LONP2: variants seen among roughly 807,000 people sequenced by gnomAD.
The protein encoded by LONP2 is lon protease homolog 2, peroxisomal.
LONP2 carries 60 observed loss-of-function variants against 85.6 expected under a neutral mutation model. That is an observed-to-expected ratio of 0.70 (90% CI 0.57 to 0.87). The LOEUF is 0.87. LONP2 is among the 40% of genes least tolerant of loss of function. The pLI, the probability that LONP2 is intolerant of heterozygous loss-of-function variation, is 0.00. For synonymous variants in LONP2, 395 were observed against 389.7 expected, an observed-to-expected ratio of 1.01 and a Z score of -0.16; for missense variants, 860 against 1,063.5, an observed-to-expected ratio of 0.81 and a Z score of 2.66.
chr16:48,304,418 A>G (rs926227225), intron 11 of LONP2, among the ~76,000 whole-genome samples: 2 of 152,198 alleles, frequency 1.3e-5, no homozygotes, highest in African/African-American at 2.4e-5. Flanking sequence ...AAAATGTTTT[A>G]ACTGGCCAGG....
At chr16:48,245,895 C>T (rs111908228) in intron 1 of LONP2, among the ~76,000 whole-genome samples, 7,132 of 152,152 alleles carry the variant, frequency 0.047, 234 homozygotes, top group Middle Eastern at 0.15. Context: ...GCACCCGCCT[C>T]CTATTCCTAA....
At chr16:48,328,882 G>A (rs997401367) in intron 11 of LONP2, among the ~76,000 whole-genome samples, 2 of 151,672 alleles carry the variant, frequency 1.3e-5, no homozygotes, top group Non-Finnish European at 2.9e-5. Context: ...ATATAATTCA[G>A]TATCTCTCAT....
chr16:48,359,450 C>T (rs375223046), downstream of LONP2, among the ~76,000 whole-genome samples: 29 of 152,248 alleles, frequency 1.9e-4, no homozygotes, highest in African/African-American at 6.7e-4. Context: ...CAAGGCCGGG[C>T]GCGGTGGCTC....
chr16:48,258,532 G>T, intron 3 of LONP2, 86 bp from the exon 4 acceptor site: 3 of 1,360,130 alleles, frequency 2.2e-6, no homozygotes, highest in South Asian at 1.6e-5. Flanking sequence ...TTTTTAACTT[G>T]GCAATTTAAA....
At position 48,356,583 on chromosome 16, in the gene LONP2, T is replaced by G; in HGVS notation, c.*4781T>G. The G allele has an allele frequency of 4.1e-6, 1 of 246,290 alleles. No homozygotes were observed. The highest frequency in any genetic ancestry group is 8.5e-6 in the Non-Finnish European group (1 of 118,272). 15.3% of individuals were successfully genotyped at this position (246,290 alleles called of 1,614,324 possible). ...TTGATGATTTATGGTCCAACACTAA[T>G]GCTCATTTTTTTTGTTTGTTTTACA... On this transcript the variant is annotated 3_prime_UTR_variant, in exon 15 of 15. Transcript: ENST00000285737.
intron 11 of LONP2, among the ~76,000 whole-genome samples, chr16:48,304,519 C>T (rs1972871741): frequency 6.6e-6 from 1 of 152,008 alleles, no homozygotes; most frequent in Admixed American, 6.6e-5. Context: ...GCCTAGCCAA[C>T]ACGGTGAAAC....
chr16:48,332,483 G>T (rs1959484454), intron 11 of LONP2, among the ~76,000 whole-genome samples: 1 of 151,712 alleles, frequency 6.6e-6, no homozygotes, highest in Non-Finnish European at 1.5e-5. Context: ...AGGCTGAGGT[G>T]GGCGGATCAC....
chr16:48,286,046 C>A lies in LONP2; in HGVS notation c.1383+8567C>A, dbSNP rs140660405. On this transcript the variant is annotated intron_variant, in intron 8 of 14. Transcript: ENST00000285737. ...TATAAGTGCATCATACGGTACTTAT[C>A]TTTTTATAATTGACTGACTTCACTT... Among the ~76,000 whole-genome samples, 1,412 of 151,966 alleles carry A rather than the reference C, an allele frequency of 9.3e-3. 9 individuals carry two copies. Among genetic ancestry groups the A allele is most frequent in the Non-Finnish European group, 0.015 (1,018 of 67,980 alleles).
intron 1 of LONP2, 34 bp downstream of exon 1, chr16:48,244,655 G>A (rs1489335203): frequency 1.1e-5 from 15 of 1,317,634 alleles, no homozygotes; most frequent in Non-Finnish European, 1.5e-5. Context: ...GGCGGCGGGC[G>A]GCGCGGCCTC....
intron 11 of LONP2, among the ~76,000 whole-genome samples, chr16:48,317,162 G>A (rs866908399): frequency 9.2e-5 from 14 of 152,144 alleles, no homozygotes; most frequent in Admixed American, 4.6e-4. Flanking sequence ...ATCCAATCAG[G>A]TCTTTAGCAT....
Position 48,362,560 on chromosome 16 carries a change from A to G in LONP2, c.*697A>G. The G allele has an allele frequency of 1.1e-6, 1 of 874,480 alleles. No homozygotes were observed. The allele number at this position is 874,480 out of a possible 1,614,324, so 54.2% of individuals were successfully genotyped here. A position where few individuals can be genotyped will look rare whatever the true frequency, so the allele number is the denominator to read the frequency against. On this transcript the variant is annotated 3_prime_UTR_variant, in exon 5 of 5. Coordinates refer to the LONP2 transcript ENST00000565867. The surrounding 1 kb of genome is among the most constrained non-coding windows in gnomAD (Gnocchi z 4.2). Reference sequence around the variant, plus strand: ...TTTACTGAGCAAAAGAGGAAGAAAAATAGGATTAAAAAAGATATTAAAAAA... The same window carrying G: ...TTTACTGAGCAAAAGAGGAAGAAAAGTAGGATTAAAAAAGATATTAAAAAA...
intron 14 of LONP2, among the ~76,000 whole-genome samples, chr16:48,351,262 C>T (rs1054442091): frequency 2.0e-5 from 3 of 152,138 alleles, no homozygotes; most frequent in Admixed American, 1.3e-4. Context: ...AAAGACTAGA[C>T]GGTTGTGATT....
In LONP2 at chr16:48,244,520, C is replaced by A; in HGVS notation, c.132C>A (p.Ser44Arg). Residue 44 changes from serine to arginine, a missense_variant, in exon 1 of 15, where the codon AGC becomes AGA. Physicochemically the swap from Ser to Arg is moderately radical, Grantham distance 110. Around this residue, in one of 3 missense-constraint regions of LONP2, gnomAD observed 743 missense variants for 917.3 expected, o/e 0.81. Coordinates refer to ENST00000285737, the MANE Select transcript of LONP2 (RefSeq NM_031490.5). ...CCCGCAACCTGCAGCTGGTGCGGAG[C>A]CGCCTTCTGAAGGGCACGTCGCTGC... ...DSARNLQLVR[S>R]RLLKGTSLQS... The A allele has an allele frequency of 6.3e-7, 1 of 1,587,124 alleles. No homozygotes were observed. Among genetic ancestry groups the A allele is most frequent in the Non-Finnish European group, 8.5e-7 (1 of 1,170,858 alleles).
At chr16:48,258,523 T>C in intron 3 of LONP2, 95 bp from the exon 4 acceptor site, 1 of 1,294,122 alleles carries the variant, frequency 7.7e-7, no homozygotes, top group Non-Finnish European at 1.0e-6. Flanking sequence ...AATAATTTTT[T>C]TTTAACTTGG....
rs555352150 is a variant in LONP2, at chr16:48,249,730, A to T, written c.234-2401A>T. On this transcript the variant is annotated intron_variant, in intron 1 of 14. Transcript: ENST00000285737. The stretch of plus-strand genomic sequence containing the variant: ...ATCTCTGTTAAAAAAAGAAAAAAAA[A>T]TTTTTTTAAAGGGATAATTTCTAGT... Among the ~76,000 whole-genome samples the T allele has an allele frequency of 1.6e-3, 244 of 151,986 alleles. 4 individuals are homozygous for T. The South Asian group carries it at 0.021, about 13-fold the overall frequency.
intron 8 of LONP2, among the ~76,000 whole-genome samples, chr16:48,291,751 G>A (rs12102896): frequency 0.014 from 2,066 of 152,248 alleles, 18 homozygotes; most frequent in Non-Finnish European, 0.017. Context: ...TGTAATTTTC[G>A]TCCTTCCATG....
chr16:48,282,166 T>C (rs772467720), intron 8 of LONP2, among the ~76,000 whole-genome samples: 1 of 152,084 alleles, frequency 6.6e-6, no homozygotes, highest in East Asian at 1.9e-4. Flanking sequence ...CCTAGCACTT[T>C]GGGAGGCCGA....
Position 48,351,650 on chromosome 16 carries a change from A to G in LONP2, c.2407A>G (p.Arg803Gly). The G allele has an allele frequency of 6.2e-7, 1 of 1,614,130 alleles. No homozygotes were observed. Among genetic ancestry groups the G allele is most frequent in the Non-Finnish European group, 8.5e-7 (1 of 1,180,024 alleles). The change falls in exon 15 of 15, where the codon AGA (arginine) becomes GGA (glycine). Residue 803 changes from arginine to glycine, a missense_variant. Arg to Gly is a moderately radical substitution (Grantham distance 125). Around this residue, in one of 3 missense-constraint regions of LONP2, gnomAD observed 115 missense variants for 129.0 expected, o/e 0.89. Coordinates refer to ENST00000285737, the MANE Select transcript of LONP2 (RefSeq NM_031490.5). ...ACTGAAGCAAGTCATTATTCCTCGG[A>G]GAAATGAAAAAGACCTTGAGGGAAT... ...AGLKQVIIPR[R>G]NEKDLEGIPG...
At chr16:48,279,023 G>A (rs1047088874) in intron 8 of LONP2, among the ~76,000 whole-genome samples, 1 of 151,840 alleles carries the variant, frequency 6.6e-6, no homozygotes, top group Non-Finnish European at 1.5e-5. Context: ...TTCTTTTATA[G>A]TATCCTGTTC....
Sources: gnomAD v4.1 joint callset for allele counts (sites outside exome capture counted in the v4.1 genomes callset) on GRCh38, gnomAD v4.1.1 for gene constraint, gnomAD v4.1.1 regional missense constraint, Gnocchi (gnomAD v3.1) non-coding constraint, MANE v1.5 for transcripts, NCBI Gene and HGNC (gene_info 2026-07-23, HGNC 2026-07-21) for gene names.